TACC2: variants seen among roughly 807,000 people sequenced by gnomAD.
TACC2 encodes transforming acidic coiled-coil-containing protein 2.
In TACC2, 137 loss-of-function variants were observed where a neutral mutation model predicts 227.3. The ratio of observed to expected loss-of-function variants is 0.60; its 90% CI spans 0.52 to 0.69. The LOEUF (loss-of-function observed/expected upper bound fraction) is 0.69, where lower values mean the gene tolerates loss of function less well. Ranked by LOEUF, TACC2 falls within the 30% of genes least tolerant of loss-of-function variation. TACC2 has a pLI of 0.00. For missense variants in TACC2, 3,470 were observed against 3,694.4 expected (o/e 0.94, Z 1.57); for synonymous variants, 1,523 against 1,487.5 (o/e 1.02, Z -0.55).
chr10:122,094,468 G>A (rs1019763374), intron 5 of TACC2, among the ~76,000 whole-genome samples: 7 of 152,078 alleles, frequency 4.6e-5, no homozygotes, highest in African/African-American at 9.7e-5. Context: ...TTGTAGAGAT[G>A]GCGTCTCACT....
chr10:122,158,522 C>T (rs1323789664), intron 7 of TACC2, among the ~76,000 whole-genome samples: 1 of 152,200 alleles, frequency 6.6e-6, no homozygotes, highest in Non-Finnish European at 1.5e-5. Context: ...CCCAGTCTTC[C>T]ACCTCTGTCA....
chr10:122,117,613 A>G lies in TACC2; in HGVS notation c.5574-14996A>G, dbSNP rs77297067. On this transcript the variant is annotated intron_variant, in intron 5 of 22. Coordinates refer to ENST00000369005, the MANE Select transcript of TACC2 (RefSeq NM_206862.4). ...GGAGAAATAAATGGAAAGAGAAAGC[A>G]GCTGCCCCATTGGCTCATCTCAGGT... Among the ~76,000 whole-genome samples, 332 of 152,350 alleles carry G rather than the reference A, an allele frequency of 2.2e-3. 2 individuals are homozygous for G. Among genetic ancestry groups the G allele is most frequent in the African/African-American group, 7.7e-3 (322 of 41,582 alleles).
At chr10:122,207,333 T>TA (rs1396170206) in intron 8 of TACC2, among the ~76,000 whole-genome samples, 3 of 151,268 alleles carry the variant, frequency 2.0e-5, no homozygotes, top group Non-Finnish European at 4.4e-5. Context: ...CAGGGAGGAC[T>TA]TCGAACCCAG....
chr10:122,130,230 A>T (rs1055969949), intron 5 of TACC2, among the ~76,000 whole-genome samples: 3 of 152,096 alleles, frequency 2.0e-5, no homozygotes, highest in African/African-American at 7.2e-5. Context: ...TCCTGACCTC[A>T]AGTGATCTGC....
At chr10:122,225,201 A>G (rs1044155309) in intron 12 of TACC2, among the ~76,000 whole-genome samples, 1 of 152,076 alleles carries the variant, frequency 6.6e-6, no homozygotes, top group Non-Finnish European at 1.5e-5. Flanking sequence ...AGAGGTTATG[A>G]TGGGCACTGT....
At chr10:122,171,984 A>G (rs909757385) in intron 7 of TACC2, among the ~76,000 whole-genome samples, 1 of 152,186 alleles carries the variant, frequency 6.6e-6, no homozygotes, top group African/African-American at 2.4e-5. Context: ...GTTCAGCCCA[A>G]GTGGAAAATA....
At chr10:122,074,992 C>T (rs996831969) in intron 3 of TACC2, among the ~76,000 whole-genome samples, 2 of 151,996 alleles carry the variant, frequency 1.3e-5, no homozygotes, top group Non-Finnish European at 1.5e-5. Flanking sequence ...GGAAATAGAG[C>T]ACTTTGGACA....
rs183053074 is a variant in TACC2 at position 122,139,275 on chromosome 10, C to T, written c.5700-4297C>T. ...TGACCAGCCAGTTCAGGGTTAACTG[C>T]GCAGGAGCCCAGCGCCCGCTGGAAA... On this transcript the variant is annotated intron_variant, in intron 6 of 22. Transcript: ENST00000369005. 3.6e-3 allele frequency among the ~76,000 whole-genome samples: 548 copies of T among 152,344 alleles called. 2 individuals are homozygous for T. The highest frequency in any genetic ancestry group is 5.6e-3 in the Non-Finnish European group (382 of 68,032).
chr10:122,008,143 C>G (rs551431112), intron 1 of TACC2, among the ~76,000 whole-genome samples: 1 of 152,146 alleles, frequency 6.6e-6, no homozygotes, highest in Non-Finnish European at 1.5e-5. Flanking sequence ...CCAAGACAAA[C>G]ACCCAGTTGC....
intron 7 of TACC2, among the ~76,000 whole-genome samples, chr10:122,175,927 A>C (rs1258615474): frequency 6.6e-6 from 1 of 152,106 alleles, no homozygotes. Flanking sequence ...CAAAAAGTAC[A>C]AAAATTAGCT....
At position 122,230,375 on chromosome 10, in the gene TACC2, C is replaced by T. The variant is rs567347253; in HGVS notation, c.8062C>T (p.Arg2688Trp). The T allele has an allele frequency of 4.3e-6, 7 of 1,614,142 alleles. No individual in the cohort carries two copies. The South Asian group carries it at 4.4e-5, about 10-fold the overall frequency. Residue 2688 changes from arginine (R) to tryptophan (W), a missense_variant, in exon 16 of 23, where the codon CGG (arginine) becomes TGG (tryptophan). Arg to Trp is a moderately radical substitution (Grantham distance 101). This residue lies in a region of TACC2 where 345 missense variants were observed against 354.4 expected (regional missense o/e 0.97). Coordinates refer to ENST00000369005, the MANE Select transcript of TACC2 (RefSeq NM_206862.4). ...GGAGGAGTTAGAGTTTGCCATCATG[C>T]GGATAGAAGCCCTGAAGCTGGCCAG... ...LQEELEFAIM[R>W]IEALKLARQI...
At chr10:122,249,492 G>A in intron 21 of TACC2, 52 bp from the exon 22 acceptor site, 2 of 1,593,914 alleles carry the variant, frequency 1.3e-6, no homozygotes, top group Non-Finnish European at 8.6e-7. Context: ...AGCAGGAGGT[G>A]TCTCTAGTGA....
chr10:122,087,441 C>T lies in TACC2; in HGVS notation c.4941C>T (p.Asn1647=). ...AGGTTTTGACTGTGCCTGAGGCCAA[C>T]AGTGAGCCCTGGACCCTTGACACGC... ...QREVLTVPEA[N]SEPWTLDTLG... The change falls in exon 4 of 23, where the codon AAC becomes AAT. Residue 1647 remains asparagine, a synonymous_variant. Transcript: ENST00000369005. 6.2e-7 allele frequency: 1 copy of T among 1,614,066 alleles called. No homozygotes were observed. The highest frequency in any genetic ancestry group is 8.5e-7 in the Non-Finnish European group (1 of 1,180,042).
rs2080140749 is a variant in TACC2, at chr10:122,086,809, G to A, written c.4309G>A (p.Ala1437Thr). 1 of 1,613,866 alleles carries A rather than the reference G, an allele frequency of 6.2e-7. No individual in the cohort carries two copies. The highest frequency in any genetic ancestry group is 1.1e-5 in the South Asian group (1 of 91,084). The change falls in exon 4 of 23, where the codon GCA becomes ACA. Residue 1437 changes from alanine to threonine, a missense_variant. This residue lies in a region of TACC2 where 1,924 missense variants were observed against 1,978.3 expected (regional missense o/e 0.97). Coordinates refer to ENST00000369005, the MANE Select transcript of TACC2 (RefSeq NM_206862.4). Reference protein sequence around the residue: ...PGEKAGAGRSAVGKDLTRPLG... With the variant: ...PGEKAGAGRSTVGKDLTRPLG... Reference sequence around the variant, plus strand: ...AGAAAAGGCAGGAGCTGGGAGGAGTGCAGTGGGTAAAGACCTCACCAGGCC... The same window carrying A: ...AGAAAAGGCAGGAGCTGGGAGGAGTACAGTGGGTAAAGACCTCACCAGGCC...
chr10:122,184,270 G>T (rs944226048), intron 7 of TACC2, among the ~76,000 whole-genome samples: 2 of 152,184 alleles, frequency 1.3e-5, no homozygotes, highest in African/African-American at 2.4e-5. Context: ...GGAGCACTTG[G>T]AGGGGGTCCC....
intron 6 of TACC2, among the ~76,000 whole-genome samples, chr10:122,137,369 G>C (rs117110306): frequency 0.047 from 7,187 of 151,976 alleles, 430 homozygotes; most frequent in African/African-American, 0.14. Context: ...TGTAGTCCCA[G>C]CTACTCAGGA....
chr10:122,120,113 G>T (rs754781700), intron 5 of TACC2, among the ~76,000 whole-genome samples: 17 of 152,076 alleles, frequency 1.1e-4, no homozygotes, highest in Non-Finnish European at 1.5e-4. Context: ...ATGAGGAGAA[G>T]GTTCCCCCTC....
chr10:122,236,580 A>G (rs1348555694), intron 16 of TACC2, among the ~76,000 whole-genome samples: 1 of 43,840 alleles, frequency 2.3e-5, no homozygotes, highest in Non-Finnish European at 3.9e-5. Context: ...GAAAAAGAAT[A>G]ACCACAGATT....
chr10:122,128,180 T>C (rs1007697331), intron 5 of TACC2, among the ~76,000 whole-genome samples: 13 of 152,206 alleles, frequency 8.5e-5, no homozygotes, highest in Admixed American at 7.9e-4. Context: ...ACAGAAAGGC[T>C]AAAGCTCAGA....
Sources: allele counts gnomAD v4.1 joint callset (sites outside exome capture counted in the v4.1 genomes callset), GRCh38; gene constraint gnomAD v4.1.1; regional missense constraint gnomAD v4.1.1; transcripts MANE v1.5; gene names NCBI Gene and HGNC (gene_info 2026-07-23, HGNC 2026-07-21).